The following SYCP1 variants were observed in gnomAD, a reference collection of about 807,000 sequenced individuals.
SYCP1 encodes synaptonemal complex protein 1, also known as cancer/testis antigen 8.
Under a neutral mutation model 153.1 loss-of-function variants are expected in SYCP1, and 64 were observed. The observed-to-expected ratio is 0.42, with a 90% CI of 0.34 to 0.51. The LOEUF is 0.51. Ranked by LOEUF, SYCP1 falls within the 20% of genes least tolerant of loss-of-function variation. The pLI is 0.06. For missense variants in SYCP1, 997 were observed against 1,049.0 expected (o/e 0.95, Z 0.68); for synonymous variants, 384 against 341.8 (o/e 1.12, Z -1.36).
intron 12 of SYCP1, among the ~76,000 whole-genome samples, chr1:114,883,648 T>A (rs897822294): frequency 6.6e-6 from 1 of 152,226 alleles, no homozygotes; most frequent in Non-Finnish European, 1.5e-5. Context: ...TTTGTGCTTA[T>A]GATTTTTCAG....
chr1:114,985,374 A>G (rs1436609119), intron 30 of SYCP1, among the ~76,000 whole-genome samples: 2 of 151,988 alleles, frequency 1.3e-5, no homozygotes, highest in Admixed American at 6.6e-5. Flanking sequence ...TAAGCAGGCT[A>G]TTTCCTCTAG....
chr1:114,901,051 A>T (rs1270697892), intron 16 of SYCP1, among the ~76,000 whole-genome samples: 1 of 152,192 alleles, frequency 6.6e-6, no homozygotes, highest in Non-Finnish European at 1.5e-5. Context: ...CTTTAAGCCA[A>T]TTAATTAGAG....
Position 114,978,831 on chromosome 1 carries a change from T to C in SYCP1, c.2382+1215T>C, listed in dbSNP as rs555410290. On this transcript the variant is annotated intron_variant, in intron 28 of 31. Coordinates refer to ENST00000369522, the MANE Select transcript of SYCP1 (RefSeq NM_003176.4). ...GAAAACATTATATCTGAAGAAATTA[T>C]AATCATAATAAAATTATGCAGAATG... Among the ~76,000 whole-genome samples, 12 of 151,812 alleles carry C rather than the reference T, an allele frequency of 7.9e-5. No individual in the cohort carries two copies. The East Asian group carries it at 2.3e-3, about 29-fold the overall frequency.
intron 23 of SYCP1, 103 bp downstream of exon 23, chr1:114,926,666 TAACA>T: frequency 2.1e-6 from 2 of 969,534 alleles, no homozygotes; most frequent in Non-Finnish European, 2.9e-6. Flanking sequence ...ATTTATACCA[TAACA>T]GTATCAATTG....
intron 9 of SYCP1, 71 bp from the exon 10 acceptor site, chr1:114,875,998 T>C (rs2101466321): frequency 3.1e-6 from 3 of 982,168 alleles, no homozygotes; most frequent in Non-Finnish European, 4.4e-6. Flanking sequence ...ACAAATTTGG[T>C]AATATTTTCA....
At chr1:114,922,587 G>A (rs1668968380) in intron 20 of SYCP1, among the ~76,000 whole-genome samples, 1 of 152,032 alleles carries the variant, frequency 6.6e-6, no homozygotes, top group South Asian at 2.1e-4. Context: ...CAAGCCATGA[G>A]GGATCCTCCC....
chr1:114,922,007 G>C (rs980799691), intron 20 of SYCP1, among the ~76,000 whole-genome samples: 51 of 152,218 alleles, frequency 3.4e-4, no homozygotes, highest in African/African-American at 1.1e-3. Context: ...TCTGCTGCCA[G>C]ACATACTATA....
At chr1:114,980,887 A>AC (rs1385895784) in intron 28 of SYCP1, among the ~76,000 whole-genome samples, 22 of 151,898 alleles carry the variant, frequency 1.4e-4, no homozygotes, top group African/African-American at 5.3e-4. Context: ...CCAGGTATTA[A>AC]ACCTATACCC....
At chr1:114,857,157 A>AAAAAAAAAAAAG (rs1664040863) in intron 3 of SYCP1, 75 bp from the exon 4 acceptor site, 79 of 881,442 alleles carry the variant, frequency 9.0e-5, no homozygotes, top group Non-Finnish European at 1.1e-4. Context: ...AAAAAAAAAA[A>AAAAAAAAAAAAG]GAGAAAAAAG....
chr1:114,990,065 T>C (rs1253909661), intron 30 of SYCP1, among the ~76,000 whole-genome samples: 1 of 151,954 alleles, frequency 6.6e-6, no homozygotes, highest in African/African-American at 2.4e-5. Flanking sequence ...CAGGTGCCCA[T>C]GAGACATTCC....
intron 23 of SYCP1, among the ~76,000 whole-genome samples, chr1:114,927,659 A>AAACT (rs1167855675): frequency 6.6e-6 from 1 of 152,212 alleles, no homozygotes; most frequent in African/African-American, 2.4e-5. Context: ...AAGTGTCAGT[A>AAACT]AACTGGAAGT....
intron 17 of SYCP1, among the ~76,000 whole-genome samples, chr1:114,911,053 A>G (rs546910300): frequency 6.6e-6 from 1 of 152,184 alleles, no homozygotes; most frequent in South Asian, 2.1e-4. Flanking sequence ...TTTCCAGTCC[A>G]TGACAGTATT....
intron 27 of SYCP1, among the ~76,000 whole-genome samples, chr1:114,972,828 T>A (rs528705973): frequency 6.6e-6 from 1 of 152,198 alleles, no homozygotes; most frequent in Non-Finnish European, 1.5e-5. Flanking sequence ...TGGTCTGTCC[T>A]TAAGACTGAT....
rs563406701 is a variant in SYCP1, at chr1:114,885,052, C to A, written c.911-483C>A. On this transcript the variant is annotated intron_variant, in intron 12 of 31. Transcript: ENST00000369522. ...AGATAATCAATAATGAAAATAAAATCGTGAATAATTTTACCATCGGGAGAT... is the reference window on the plus strand; with the variant it reads ...AGATAATCAATAATGAAAATAAAATAGTGAATAATTTTACCATCGGGAGAT... 2.0e-4 allele frequency among the ~76,000 whole-genome samples: 30 copies of A among 151,838 alleles called. 1 individual carries two copies. In the South Asian group the frequency reaches 6.3e-3, roughly 32 times the overall value.
intron 28 of SYCP1, 66 bp downstream of exon 28, chr1:114,977,682 AT>A: frequency 9.5e-7 from 1 of 1,052,254 alleles, no homozygotes; most frequent in African/African-American, 1.6e-5. Context: ...CTTAGAAATG[AT>A]TTTTTGTTTA....
At chr1:114,981,640 T>G in intron 29 of SYCP1, 128 bp downstream of exon 29, 1 of 853,546 alleles carries the variant, frequency 1.2e-6, no homozygotes, top group Non-Finnish European at 1.7e-6. Flanking sequence ...ATTTTTTTTG[T>G]GGTATCAGCA....
At chr1:114,984,694 T>C (rs939548027) in intron 29 of SYCP1, 31 bp from the exon 30 acceptor site, 58 of 1,313,662 alleles carry the variant, frequency 4.4e-5, no homozygotes, top group Non-Finnish European at 5.6e-5. Context: ...TTATTTGATA[T>C]GATAATGTAT....
chr1:114,860,616 C>A, intron 7 of SYCP1, 120 bp from the exon 8 acceptor site: 1 of 635,590 alleles, frequency 1.6e-6, no homozygotes, highest in Non-Finnish European at 2.6e-6. Flanking sequence ...TGATGTATGC[C>A]AAAGATTATA....
At chr1:114,967,688 G>C (rs980296267) in intron 27 of SYCP1, among the ~76,000 whole-genome samples, 1 of 152,156 alleles carries the variant, frequency 6.6e-6, no homozygotes, top group African/African-American at 2.4e-5. Flanking sequence ...TACATTTAAG[G>C]TTAATATTGT....
Sources: allele counts gnomAD v4.1 joint callset (sites outside exome capture counted in the v4.1 genomes callset), GRCh38; gene constraint gnomAD v4.1.1; transcripts MANE v1.5; gene names NCBI Gene and HGNC (gene_info 2026-07-23, HGNC 2026-07-21).